The following AGBL1 variants were observed in gnomAD, a reference collection of about 807,000 sequenced individuals.
AGBL1 encodes the protein AGBL carboxypeptidase 1, also known as cytosolic carboxypeptidase 4.
In AGBL1, 130 loss-of-function variants were observed where a neutral mutation model predicts 118.9. The observed-to-expected ratio is 1.09, with a 90% CI of 0.95 to 1.26. The LOEUF (loss-of-function observed/expected upper bound fraction) is 1.26. AGBL1 is among the 50% of genes most tolerant of loss of function. The pLI is 0.00. For missense variants in AGBL1, 1,584 were observed against 1,298.1 expected (o/e 1.22, Z -3.38); for synonymous variants, 555 against 478.9 (o/e 1.16, Z -2.08).
intron 1 of AGBL1, among the ~76,000 whole-genome samples, chr15:86,132,623 A>T (rs758665166): frequency 6.6e-6 from 1 of 152,224 alleles, no homozygotes; most frequent in Non-Finnish European, 1.5e-5. Context: ...CCTGCTTTCC[A>T]ATCAGCATCA....
chr15:86,607,237 A>G (rs755223758), intron 21 of AGBL1, among the ~76,000 whole-genome samples: 12 of 152,158 alleles, frequency 7.9e-5, no homozygotes, highest in Non-Finnish European at 1.8e-4. Flanking sequence ...GATTGCTTCC[A>G]AGCTTTAGCT....
At chr15:86,321,776 C>CAAA (rs71144040) in intron 17 of AGBL1, among the ~76,000 whole-genome samples, 40 of 144,360 alleles carry the variant, frequency 2.8e-4, no homozygotes, top group African/African-American at 1.0e-3. Context: ...GACTCTGTCT[C>CAAA]AAAAAAAAAA....
At chr15:86,684,536 G>C (rs2086020568) in intron 22 of AGBL1, among the ~76,000 whole-genome samples, 1 of 151,182 alleles carries the variant, frequency 6.6e-6, no homozygotes, top group Admixed American at 6.6e-5. Context: ...GCCCAGGCTG[G>C]TCTCAAACTC....
chr15:86,117,998 GTC>G (rs781358083), intron 1 of AGBL1, among the ~76,000 whole-genome samples: 8 of 152,330 alleles, frequency 5.3e-5, no homozygotes, highest in Non-Finnish European at 7.3e-5. Context: ...GATTTGAAAA[GTC>G]TCTGCTTATT....
intron 22 of AGBL1, among the ~76,000 whole-genome samples, chr15:86,799,985 G>C (rs1022295435): frequency 2.6e-5 from 4 of 152,014 alleles, no homozygotes; most frequent in African/African-American, 9.7e-5. Context: ...TGGAACCCGG[G>C]CTTCTCAAAA....
chr15:86,521,073 T>C (rs1304660752), intron 18 of AGBL1, among the ~76,000 whole-genome samples: 1 of 152,298 alleles, frequency 6.6e-6, no homozygotes, highest in East Asian at 1.9e-4. Context: ...AGACCTACCA[T>C]TTATCAAGTC....
chr15:86,778,623 G>A (rs534008535), intron 22 of AGBL1, among the ~76,000 whole-genome samples: 64 of 152,334 alleles, frequency 4.2e-4, no homozygotes, highest in African/African-American at 1.5e-3. Context: ...CTCACTGGCA[G>A]TCAGAGTTTA....
intron 1 of AGBL1, among the ~76,000 whole-genome samples, chr15:86,080,521 C>T (rs1270720037): frequency 2.6e-5 from 4 of 152,146 alleles, no homozygotes; most frequent in Non-Finnish European, 5.9e-5. Context: ...GTGCATTTTC[C>T]CAGGCAGGAT....
chr15:87,019,167 T>C (rs28783414), intron 24 of AGBL1, among the ~76,000 whole-genome samples: 11,318 of 152,058 alleles, frequency 0.074, 1,428 homozygotes, highest in African/African-American at 0.26. Context: ...CACACAAAAA[T>C]AGTGGGTGAC....
chr15:86,305,055 A>G (rs28540435), intron 17 of AGBL1: 5,463 of 152,238 alleles, frequency 0.036, 125 homozygotes, highest in Middle Eastern at 0.078. Context: ...TAAAAACACA[A>G]CCAATGTTTC....
At chr15:86,669,022 A>G (rs1214967150) in intron 21 of AGBL1, among the ~76,000 whole-genome samples, 1 of 152,190 alleles carries the variant, frequency 6.6e-6, no homozygotes, top group African/African-American at 2.4e-5. Flanking sequence ...AGTGTCCTCA[A>G]GTACTTAGGG....
chr15:86,503,763 T>A (rs1239995339), intron 18 of AGBL1, among the ~76,000 whole-genome samples: 1 of 151,500 alleles, frequency 6.6e-6, no homozygotes. Flanking sequence ...GCTATTGGTA[T>A]CTAATTTATT....
At chr15:86,232,032 C>T (rs926861641) in intron 6 of AGBL1, among the ~76,000 whole-genome samples, 1 of 152,168 alleles carries the variant, frequency 6.6e-6, no homozygotes, top group African/African-American at 2.4e-5. Context: ...GGCCGAGCCT[C>T]AGGCCGGCCG....
intron 3 of AGBL1, among the ~76,000 whole-genome samples, chr15:86,150,949 A>G (rs141828938): frequency 0.13 from 19,984 of 152,216 alleles, 1,464 homozygotes; most frequent in Middle Eastern, 0.22. Flanking sequence ...TGTGGCACAT[A>G]TACACCATGG....
intron 1 of AGBL1, among the ~76,000 whole-genome samples, chr15:86,110,230 C>A (rs1897284620): frequency 6.6e-6 from 1 of 152,226 alleles, no homozygotes; most frequent in Non-Finnish European, 1.5e-5. Flanking sequence ...GGGCACTGAC[C>A]CCTGTGCAGT....
At chr15:87,002,590 T>C (rs948911167) in intron 24 of AGBL1, among the ~76,000 whole-genome samples, 8 of 152,190 alleles carry the variant, frequency 5.3e-5, no homozygotes, top group African/African-American at 1.9e-4. Flanking sequence ...TTTCACGATA[T>C]TGATTCTTCC....
intron 22 of AGBL1, among the ~76,000 whole-genome samples, chr15:86,874,338 C>G (rs1036874949): frequency 1.3e-5 from 2 of 151,300 alleles, no homozygotes; most frequent in Non-Finnish European, 2.9e-5. Flanking sequence ...ACTTTATGTG[C>G]AAAATGTAGT....
chr15:86,925,191 A>AAAGAG (rs1555463603), intron 23 of AGBL1, among the ~76,000 whole-genome samples: 1 of 103,982 alleles, frequency 9.6e-6, no homozygotes, highest in Non-Finnish European at 1.9e-5. Flanking sequence ...AAGAGGAAGA[A>AAAGAG]AAGAAGAAAA....
chr15:86,233,319 T>G (rs1029077668), intron 6 of AGBL1, among the ~76,000 whole-genome samples: 1 of 152,234 alleles, frequency 6.6e-6, no homozygotes, highest in East Asian at 1.9e-4. Context: ...TTCAGTTTGG[T>G]TTTTCAAACA....
Sources: gnomAD v4.1 joint callset for allele counts (sites outside exome capture counted in the v4.1 genomes callset) on GRCh38, gnomAD v4.1.1 for gene constraint, MANE v1.5 for transcripts, NCBI Gene and HGNC (gene_info 2026-07-23, HGNC 2026-07-21) for gene names.